Variants in CHL1 observed in about 807,000 individuals in gnomAD.
CHL1 encodes the protein cell adhesion molecule L1 like, also known as neural cell adhesion molecule L1-like protein.
Under a neutral mutation model 141.9 loss-of-function variants are expected in CHL1, and 96 were observed. The ratio of observed to expected loss-of-function variants is 0.68; its 90% CI spans 0.57 to 0.80. The LOEUF is 0.80. Ranked by LOEUF, CHL1 falls within the 30% of genes least tolerant of loss-of-function variation. The pLI is 0.00. For synonymous variants in CHL1, 613 were observed against 502.2 expected (o/e 1.22, Z -2.95); for missense variants, 1,820 against 1,457.2 (o/e 1.25, Z -4.05).
chr3:229,242 A>C (rs181215336), intron 1 of CHL1, among the ~76,000 whole-genome samples: 3 of 152,142 alleles, frequency 2.0e-5, no homozygotes, highest in South Asian at 4.1e-4. Flanking sequence ...AATCCTTCAT[A>C]ATGTTTTTTT....
At chr3:386,030 A>G (rs888682580) in intron 19 of CHL1, among the ~76,000 whole-genome samples, 1 of 152,004 alleles carries the variant, frequency 6.6e-6, no homozygotes, top group African/African-American at 2.4e-5. Flanking sequence ...AGTGAAGTTT[A>G]AGAACATTCA....
chr3:397,419 A>G (rs1014986006), intron 24 of CHL1, among the ~76,000 whole-genome samples: 7 of 152,130 alleles, frequency 4.6e-5, no homozygotes, highest in African/African-American at 1.7e-4. Flanking sequence ...ATAGCATTTC[A>G]TAACCCCTTG....
intron 15 of CHL1, among the ~76,000 whole-genome samples, chr3:372,821 CTTTCT>C (rs1332027042): frequency 6.7e-6 from 1 of 150,174 alleles, no homozygotes; most frequent in Admixed American, 6.6e-5. Flanking sequence ...GCTTTCTTTT[CTTTCT>C]TTTTTTTTTT....
At chr3:289,982 T>C (rs34294527) in intron 2 of CHL1, among the ~76,000 whole-genome samples, 21 of 128,642 alleles carry the variant, frequency 1.6e-4, no homozygotes, top group Admixed American at 5.4e-4. Context: ...TCACCCAGGG[T>C]GGAGTGCAGT....
rs1709684810 is a variant in CHL1 at position 408,765 on chromosome 3, T to G, written c.*3054T>G. On this transcript the variant is annotated 3_prime_UTR_variant, in exon 28 of 28. Transcript: ENST00000256509. ...AGAAAATTAAGCAGGGTCTTTGCTA[T>G]ACAAAAGTGTTTTCCACTAATTTTG... The G allele has an allele frequency of 6.6e-6, 1 of 152,138 alleles. No individual in the cohort carries two copies. The highest frequency in any genetic ancestry group is 1.5e-5 in the Non-Finnish European group (1 of 68,006). The allele number at this position is 152,138 out of a possible 1,614,324, so 9.4% of individuals were successfully genotyped here.
intron 3 of CHL1, among the ~76,000 whole-genome samples, chr3:322,654 ATATATATATATATATAAT>A (rs1700679806): frequency 1.9e-5 from 2 of 104,680 alleles, no homozygotes; most frequent in East Asian, 4.5e-4. Flanking sequence ...AAATATATAT[ATATATATATATATATAAT>A]TATATATATA....
chr3:352,203 A>T (rs1703328219), intron 10 of CHL1, among the ~76,000 whole-genome samples: 2 of 152,298 alleles, frequency 1.3e-5, no homozygotes, highest in South Asian at 4.1e-4. Flanking sequence ...GTTTTCAAAT[A>T]ACAAACCTAT....
rs549524685 is a variant in CHL1 at position 350,935 on chromosome 3, G to A, written c.1033+1392G>A. Among the ~76,000 whole-genome samples, 6 of 152,230 alleles carry A rather than the reference G, an allele frequency of 3.9e-5. No homozygotes were observed. In the South Asian group the frequency reaches 1.2e-3, roughly 32 times the overall value. ...TGTATATTTTTAGTCATCATTTGAT[G>A]TTTCTATATAATTTGGCTACATCGT... On this transcript the variant is annotated intron_variant, in intron 10 of 27. Coordinates refer to ENST00000256509, the MANE Select transcript of CHL1 (RefSeq NM_006614.4).
chr3:220,761 T>A (rs1700762103), intron 1 of CHL1, among the ~76,000 whole-genome samples: 1 of 152,294 alleles, frequency 6.6e-6, no homozygotes, highest in Admixed American at 6.5e-5. Context: ...TAGTACAGAA[T>A]CTTGTGAAGG....
chr3:212,523 C>T (rs974129662), intron 1 of CHL1, among the ~76,000 whole-genome samples: 10 of 152,256 alleles, frequency 6.6e-5, no homozygotes, highest in African/African-American at 2.4e-4. Context: ...CTGCCTCGAA[C>T]AGTCACTCTT....
rs1000268627 is a variant in CHL1, at chr3:405,792, A to G, written c.*81A>G. 7 of 984,830 alleles carry G rather than the reference A, an allele frequency of 7.1e-6. No homozygotes were observed. Among genetic ancestry groups the G allele is most frequent in the Non-Finnish European group, 1.1e-5 (7 of 639,624 alleles). 61.0% of individuals were successfully genotyped at this position (984,830 alleles called of 1,614,324 possible). A position where few individuals can be genotyped will look rare whatever the true frequency, so the allele number is the denominator to read the frequency against. On this transcript the variant is annotated 3_prime_UTR_variant, in exon 28 of 28. Coordinates refer to ENST00000256509, the MANE Select transcript of CHL1 (RefSeq NM_006614.4). ...TTCAAAGGAGCAAGAACTTTCATAT[A>G]GGAATAGAAACATGCTGGCCGAAGA...
At chr3:239,982 T>G (rs1261850919) in intron 1 of CHL1, among the ~76,000 whole-genome samples, 1 of 152,212 alleles carries the variant, frequency 6.6e-6, no homozygotes, top group Non-Finnish European at 1.5e-5. Flanking sequence ...AATTTCTTTA[T>G]CCACTTGTTG....
rs539041306 is a variant in CHL1, at chr3:295,048, C to T, written c.-94-24635C>T. ...CTTGCCCTCCCTTTCTCCTTCTCCT[C>T]TTCCTTTCTTCCTTTGTTTCTTTTC... On this transcript the variant is annotated intron_variant, in intron 2 of 27. Coordinates refer to ENST00000256509, the MANE Select transcript of CHL1 (RefSeq NM_006614.4). Among the ~76,000 whole-genome samples the T allele has an allele frequency of 2.0e-5, 3 of 152,292 alleles. 1 individual carries two copies. The South Asian group carries it at 6.2e-4, about 32-fold the overall frequency.
chr3:342,504 C>A (rs1007286664), intron 7 of CHL1, among the ~76,000 whole-genome samples: 1 of 152,130 alleles, frequency 6.6e-6, no homozygotes, highest in Non-Finnish European at 1.5e-5. Context: ...ACTTGAATCA[C>A]CCTTTCCCGA....
chr3:382,590 C>A lies in CHL1; in HGVS notation c.2095C>A (p.Gln699Lys). ...ACCTTTGGCTCCATTTGTGAGATAC[C>A]AGTTCAGGGTCATAGCCGTGAACGA... ...ILPLAPFVRY[Q>K]FRVIAVNEVG... is the part of the protein sequence containing the mutation. The change falls in exon 18 of 28, where the codon CAG becomes AAG. Residue 699 changes from glutamine (Q) to lysine (K), a missense_variant. Coordinates refer to ENST00000256509, the MANE Select transcript of CHL1 (RefSeq NM_006614.4). 1 of 1,613,838 alleles carries A rather than the reference C, an allele frequency of 6.2e-7. No individual in the cohort carries two copies. Among genetic ancestry groups the A allele is most frequent in the Admixed American group, 1.7e-5 (1 of 59,956 alleles).
At chr3:337,862 A>G (rs549214810) in intron 5 of CHL1, among the ~76,000 whole-genome samples, 3 of 152,224 alleles carry the variant, frequency 2.0e-5, no homozygotes, top group East Asian at 1.9e-4. Context: ...TAGCAGCATG[A>G]TTTATAATCC....
At chr3:327,632 A>G (rs147431057) in intron 4 of CHL1, among the ~76,000 whole-genome samples, 1,523 of 152,106 alleles carry the variant, frequency 0.01, 9 homozygotes, top group Non-Finnish European at 0.016. Flanking sequence ...TAGTAACCAT[A>G]TGACAGAAGA....
intron 5 of CHL1, among the ~76,000 whole-genome samples, chr3:338,088 T>G (rs543585079): frequency 6.6e-6 from 1 of 152,082 alleles, no homozygotes; most frequent in Non-Finnish European, 1.5e-5. Flanking sequence ...ATGGTCTCGA[T>G]CTCCTGACCT....
intron 15 of CHL1, among the ~76,000 whole-genome samples, chr3:369,675 T>G (rs1233233271): frequency 6.6e-6 from 1 of 152,220 alleles, no homozygotes; most frequent in East Asian, 1.9e-4. Flanking sequence ...TGTCTTGTAC[T>G]AGTTTGCCAA....
Sources: gnomAD v4.1 joint callset for allele counts (sites outside exome capture counted in the v4.1 genomes callset) on GRCh38, gnomAD v4.1.1 for gene constraint, MANE v1.5 for transcripts, NCBI Gene and HGNC (gene_info 2026-07-23, HGNC 2026-07-21) for gene names.